SLC35D1: variants seen among roughly 807,000 people sequenced by gnomAD.
SLC35D1 encodes the protein solute carrier family 35 member D1.
Under a neutral mutation model 46.7 loss-of-function variants are expected in SLC35D1, and 31 were observed. The ratio of observed to expected loss-of-function variants is 0.66; its 90% CI spans 0.50 to 0.90. The LOEUF (loss-of-function observed/expected upper bound fraction) is 0.90. Among genes scored for constraint, SLC35D1 ranks in the 40% least tolerant of loss-of-function variants. The pLI is 0.00. For missense variants in SLC35D1, 397 were observed against 426.2 expected (o/e 0.93, Z 0.60); for synonymous variants, 195 against 164.6 (o/e 1.18, Z -1.41).
intron 8 of SLC35D1, among the ~76,000 whole-genome samples, chr1:67,023,526 C>T (rs1228208657): frequency 1.3e-5 from 2 of 150,598 alleles, no homozygotes; most frequent in Non-Finnish European, 1.5e-5. Context: ...CACCCTGTCG[C>T]GCAGGCTGGA....
chr1:67,024,392 ATCTTT>A (rs1434578220), intron 8 of SLC35D1, among the ~76,000 whole-genome samples: 2 of 152,158 alleles, frequency 1.3e-5, no homozygotes, highest in East Asian at 3.8e-4. Flanking sequence ...ATCTTCTCCT[ATCTTT>A]TCTTCTAGTT....
At chr1:67,031,322 A>G (rs1011342943) in intron 8 of SLC35D1, among the ~76,000 whole-genome samples, 2 of 152,142 alleles carry the variant, frequency 1.3e-5, no homozygotes, top group Non-Finnish European at 2.9e-5. Context: ...AGCAGCAGCC[A>G]TTTGAAAGTA....
chr1:66,981,995 G>T, the SLC35D1 span: 6 of 1,506,118 alleles, frequency 4.0e-6, no homozygotes, highest in African/African-American at 5.5e-5. Context: ...AATTCCGTTT[G>T]GGTTTCTATT....
At chr1:66,973,267 C>G in the SLC35D1 span, among the ~76,000 whole-genome samples, 1 of 152,010 alleles carries the variant, frequency 6.6e-6, no homozygotes. Flanking sequence ...TGTGTATGTG[C>G]AATGCAATTC....
intron 10 of SLC35D1, among the ~76,000 whole-genome samples, chr1:67,011,414 A>C (rs1226292704): frequency 6.6e-5 from 10 of 152,074 alleles, no homozygotes; most frequent in Admixed American, 3.9e-4. Context: ...CAGGCTCCAG[A>C]CCTCTTTCTC....
At chr1:67,047,917 C>T (rs1159258097) in intron 6 of SLC35D1, among the ~76,000 whole-genome samples, 1 of 152,052 alleles carries the variant, frequency 6.6e-6, no homozygotes, top group Non-Finnish European at 1.5e-5. Flanking sequence ...GCTCAATGAA[C>T]CTGTGAAGTA....
intron 8 of SLC35D1, among the ~76,000 whole-genome samples, chr1:67,037,649 C>T (rs1011222743): frequency 1.4e-4 from 22 of 152,192 alleles, no homozygotes; most frequent in Admixed American, 6.5e-4. Context: ...CCACTTGAGG[C>T]AACCATTCCC....
intron 1 of SLC35D1, among the ~76,000 whole-genome samples, chr1:67,053,487 C>A (rs988196893): frequency 6.6e-6 from 1 of 152,154 alleles, no homozygotes; most frequent in Admixed American, 6.5e-5. Context: ...GGCATAACGG[C>A]TCAAAAGTCA....
the SLC35D1 span, among the ~76,000 whole-genome samples, chr1:66,977,887 C>A: frequency 1.3e-5 from 2 of 151,964 alleles, no homozygotes; most frequent in African/African-American, 4.8e-5. Flanking sequence ...TTAAAGCTGA[C>A]CAAATAATTA....
chr1:67,041,353 A>C (rs79246763), intron 8 of SLC35D1, among the ~76,000 whole-genome samples: 12,194 of 152,276 alleles, frequency 0.08, 664 homozygotes, highest in Middle Eastern at 0.15. Context: ...GGGGTGGGAA[A>C]CAGCTTCATA....
chr1:66,986,306 TA>T, the SLC35D1 span: 3 of 1,505,170 alleles, frequency 2.0e-6, no homozygotes, highest in Non-Finnish European at 2.6e-6. Flanking sequence ...TTTTTAGTGC[TA>T]AATTCTTGTT....
chr1:67,036,368 C>T (rs1017336247), intron 8 of SLC35D1, among the ~76,000 whole-genome samples: 2 of 151,992 alleles, frequency 1.3e-5, no homozygotes, highest in African/African-American at 2.4e-5. Flanking sequence ...ATTCTTGCAT[C>T]AGTGTTTTAT....
At chr1:66,985,310 ATT>A in the SLC35D1 span, 3 of 985,412 alleles carry the variant, frequency 3.0e-6, no homozygotes, top group Non-Finnish European at 3.6e-6. Flanking sequence ...TCAAGTCCAA[ATT>A]TCTGCTTAAT....
intron 10 of SLC35D1, among the ~76,000 whole-genome samples, chr1:67,013,158 A>ATATATATATATATATATATATGTATG: frequency 1.9e-5 from 2 of 103,642 alleles, no homozygotes; most frequent in Non-Finnish European, 3.6e-5. Context: ...TATCCTGGAG[A>ATATATATATATATATATATATGTATG]TATATATATA....
intron 11 of SLC35D1, among the ~76,000 whole-genome samples, chr1:67,005,138 A>G (rs1558148493): frequency 6.6e-6 from 1 of 152,196 alleles, no homozygotes. Flanking sequence ...AGTGGAAAGT[A>G]GTCTGGAGGA....
At position 67,053,691 on chromosome 1, in the gene SLC35D1, G is replaced by GC. The variant is rs1475334760; in HGVS notation, c.203+119dup. ...GCGCGTCAGCCGCCCGCCCTCCCCA[G>GC]CTCCCGCCCAACTTTGTTCGGCTTT... On this transcript the variant is annotated intron_variant, in intron 1 of 11. Coordinates refer to ENST00000235345, the MANE Select transcript of SLC35D1 (RefSeq NM_015139.3). 30 of 1,027,414 alleles carry GC rather than the reference G, an allele frequency of 2.9e-5. No individual in the cohort carries two copies. The African/African-American group carries it at 4.9e-4, about 17-fold the overall frequency. The allele number at this position is 1,027,414 out of a possible 1,614,324, so 63.6% of individuals were successfully genotyped here. A position where few individuals can be genotyped will look rare whatever the true frequency, so the allele number is the denominator to read the frequency against.
At chr1:66,978,720 C>T in the SLC35D1 span, among the ~76,000 whole-genome samples, 9 of 152,114 alleles carry the variant, frequency 5.9e-5, no homozygotes, top group African/African-American at 2.2e-4. Flanking sequence ...GCAGTAACAA[C>T]ATAAGAATGG....
At chr1:66,979,079 T>C in the SLC35D1 span, among the ~76,000 whole-genome samples, 10 of 152,106 alleles carry the variant, frequency 6.6e-5, no homozygotes, top group African/African-American at 2.4e-4. Context: ...TAGGCTTCAG[T>C]TGTAGCCCCA....
At chr1:67,027,194 T>C (rs1667932283) in intron 8 of SLC35D1, among the ~76,000 whole-genome samples, 1 of 152,240 alleles carries the variant, frequency 6.6e-6, no homozygotes, top group Non-Finnish European at 1.5e-5. Flanking sequence ...CATAATATTC[T>C]CTTACTATTC....
Sources: allele counts gnomAD v4.1 joint callset (sites outside exome capture counted in the v4.1 genomes callset), GRCh38; gene constraint gnomAD v4.1.1; transcripts MANE v1.5; gene names NCBI Gene and HGNC (gene_info 2026-07-23, HGNC 2026-07-21).